KIF2A: variants seen among roughly 807,000 people sequenced by gnomAD.
The protein encoded by KIF2A is kinesin-like protein KIF2A.
Under a neutral mutation model 100.2 loss-of-function variants are expected in KIF2A, and 22 were observed. That is an observed-to-expected ratio of 0.22 (90% confidence interval 0.16 to 0.31). The LOEUF (loss-of-function observed/expected upper bound fraction) is 0.31. KIF2A is among the 10% of genes least tolerant of loss of function. KIF2A has a pLI of 1.00. For synonymous variants in KIF2A, 268 were observed against 285.9 expected (o/e 0.94, Z 0.63); for missense variants, 495 against 898.7 (o/e 0.55, Z 5.74).
At chr5:62,355,954 G>C (rs1489032928) in intron 7 of KIF2A, among the ~76,000 whole-genome samples, 1 of 151,106 alleles carries the variant, frequency 6.6e-6, no homozygotes, top group African/African-American at 2.4e-5. Context: ...GCTAATTTTT[G>C]TATTTTTAGT....
chr5:62,347,305 GTTATT>G lies in KIF2A; in HGVS notation c.159+88_159+92del, dbSNP rs1747621818. On this transcript the variant is annotated intron_variant, in intron 2 of 20. Coordinates refer to ENST00000407818, the MANE Select transcript of KIF2A (RefSeq NM_001098511.3). ...AAAACAAAACAGAAAAGTACATAAT[GTTATT>G]TTATTTAGTGCATATATTTTTATTA... 1.1e-5 allele frequency: 8 copies of G among 756,762 alleles called. No individual in the cohort carries two copies. In the Admixed American group the frequency reaches 1.2e-4, roughly 11 times the overall value. The allele number at this position is 756,762 out of a possible 1,614,324, so 46.9% of individuals were successfully genotyped here. A position where few individuals can be genotyped will look rare whatever the true frequency, so the allele number is the denominator to read the frequency against.
chr5:62,335,411 GA>G (rs1339943154), intron 1 of KIF2A, among the ~76,000 whole-genome samples: 8 of 152,170 alleles, frequency 5.3e-5, no homozygotes, highest in African/African-American at 1.9e-4. Context: ...CCAGCTAGTA[GA>G]GACGCCACTC....
intron 1 of KIF2A, among the ~76,000 whole-genome samples, chr5:62,344,333 C>T (rs1437943456): frequency 2.1e-5 from 3 of 145,852 alleles, no homozygotes; most frequent in Non-Finnish European, 4.5e-5. Flanking sequence ...GGTGACAGAG[C>T]GCGACTCCAT....
intron 1 of KIF2A, among the ~76,000 whole-genome samples, chr5:62,322,351 C>G (rs1173598706): frequency 6.6e-6 from 1 of 152,052 alleles, no homozygotes; most frequent in Non-Finnish European, 1.5e-5. Context: ...TTGATAGTAT[C>G]CTTTGAAGCA....
At chr5:62,352,761 C>G (rs1272307573) in intron 5 of KIF2A, 51 bp downstream of exon 5, 1 of 1,486,818 alleles carries the variant, frequency 6.7e-7, no homozygotes, top group East Asian at 2.3e-5. Context: ...TACATGTATT[C>G]TCTCTTGGTC....
intron 1 of KIF2A, among the ~76,000 whole-genome samples, chr5:62,315,382 C>T (rs1745765884): frequency 6.6e-6 from 1 of 151,252 alleles, no homozygotes; most frequent in African/African-American, 2.4e-5. Context: ...TGAAGCTTAA[C>T]TTGTCACACA....
intron 14 of KIF2A, among the ~76,000 whole-genome samples, chr5:62,364,380 T>C (rs1740965791): frequency 6.6e-6 from 1 of 151,888 alleles, no homozygotes; most frequent in Admixed American, 6.6e-5. Flanking sequence ...ACTTCTGACC[T>C]CGTGATCTAC....
chr5:62,357,866 A>C lies in KIF2A; in HGVS notation c.709+121A>C, dbSNP rs1254797960. 12 of 685,610 alleles carry C rather than the reference A, an allele frequency of 1.8e-5. No homozygotes were observed. The South Asian group carries it at 2.3e-4, about 13-fold the overall frequency. 42.5% of individuals were successfully genotyped at this position (685,610 alleles called of 1,614,324 possible). On this transcript the variant is annotated intron_variant, in intron 8 of 20. Transcript: ENST00000407818. ...AATCATTTCCTTTGATTTGTATGTA[A>C]CCATTATGCAGATTTCTATGGCTAA...
rs73760806 is a variant in KIF2A at position 62,386,950 on chromosome 5, C to T, written c.*1381C>T. On this transcript the variant is annotated 3_prime_UTR_variant, in exon 21 of 21. Transcript: ENST00000407818. ...GAGTAGATTAACAGCTAAAAATCTC[C>T]CAAGGATATCTTGTTTTGATTTATT... Among the ~76,000 whole-genome samples the T allele has an allele frequency of 2.6e-4, 40 of 152,230 alleles. No homozygotes were observed. The highest frequency in any genetic ancestry group is 9.6e-4 in the African/African-American group (40 of 41,528).
intron 1 of KIF2A, among the ~76,000 whole-genome samples, chr5:62,339,843 T>TCTTA (rs1747193386): frequency 6.6e-6 from 1 of 151,180 alleles, no homozygotes; most frequent in Admixed American, 6.6e-5. Flanking sequence ...ACTGTTTAGA[T>TCTTA]TTCTGTGTGT....
chr5:62,363,445 T>A (rs953543201), intron 13 of KIF2A, 125 bp downstream of exon 13: 2 of 891,944 alleles, frequency 2.2e-6, no homozygotes, highest in Non-Finnish European at 3.4e-6. Context: ...TAAAAACTTG[T>A]GTTACATGTA....
At chr5:62,312,620 G>C (rs1745609320) in intron 1 of KIF2A, among the ~76,000 whole-genome samples, 1 of 152,170 alleles carries the variant, frequency 6.6e-6, no homozygotes, top group African/African-American at 2.4e-5. Flanking sequence ...TATTCTTCTG[G>C]TTCAGTTGTA....
intron 18 of KIF2A, among the ~76,000 whole-genome samples, chr5:62,377,222 TTTCTTTACATCATC>T (rs1741590194): frequency 6.6e-6 from 1 of 152,242 alleles, no homozygotes; most frequent in African/African-American, 2.4e-5. Flanking sequence ...TGAAAGACAT[TTTCTTTACATCATC>T]TAAAGATACT....
At chr5:62,328,426 C>T (rs866251207) in intron 1 of KIF2A, among the ~76,000 whole-genome samples, 4 of 151,244 alleles carry the variant, frequency 2.6e-5, no homozygotes, top group South Asian at 2.1e-4. Context: ...TGGTTTTGGA[C>T]GGTGTTTTAA....
chr5:62,379,269 A>G (rs1019831087), intron 19 of KIF2A, among the ~76,000 whole-genome samples: 2 of 152,206 alleles, frequency 1.3e-5, no homozygotes, highest in Non-Finnish European at 2.9e-5. Context: ...TCTTTTTACA[A>G]TTCTCTATAT....
At chr5:62,381,830 C>T (rs973349201) in intron 20 of KIF2A, among the ~76,000 whole-genome samples, 6 of 152,168 alleles carry the variant, frequency 3.9e-5, no homozygotes, top group African/African-American at 9.7e-5. Context: ...CCCAAAATGG[C>T]GGGATTACAG....
At chr5:62,317,715 A>G (rs911994125) in intron 1 of KIF2A, among the ~76,000 whole-genome samples, 10 of 152,188 alleles carry the variant, frequency 6.6e-5, no homozygotes, top group Non-Finnish European at 1.5e-4. Flanking sequence ...TCCAACTAAT[A>G]TTTGCTGTAT....
chr5:62,327,814 T>G (rs1310402749), intron 1 of KIF2A, among the ~76,000 whole-genome samples: 2 of 152,180 alleles, frequency 1.3e-5, no homozygotes, highest in African/African-American at 4.8e-5. Flanking sequence ...AATCTTCCTG[T>G]ACGTAGAGTG....
intron 1 of KIF2A, among the ~76,000 whole-genome samples, chr5:62,339,192 G>C (rs1016840479): frequency 2.0e-5 from 3 of 152,180 alleles, no homozygotes; most frequent in Admixed American, 1.3e-4. Flanking sequence ...TGAAGGCTAA[G>C]GGGGAGCAGG....
Sources: allele counts gnomAD v4.1 joint callset (sites outside exome capture counted in the v4.1 genomes callset), GRCh38; gene constraint gnomAD v4.1.1; transcripts MANE v1.5; gene names NCBI Gene and HGNC (gene_info 2026-07-23, HGNC 2026-07-21).